SGMS2: variants seen among roughly 807,000 people sequenced by gnomAD.
SGMS2 encodes sphingomyelin synthase 2.
Under a neutral mutation model 43.8 loss-of-function variants are expected in SGMS2, and 21 were observed. The ratio of observed to expected loss-of-function variants is 0.48; its 90% CI spans 0.34 to 0.69. SGMS2 has a LOEUF of 0.69. Among genes scored for constraint, SGMS2 ranks in the 30% least tolerant of loss-of-function variants. The pLI is 0.01. For synonymous variants in SGMS2, 167 were observed against 160.6 expected (o/e 1.04, Z -0.30); for missense variants, 384 against 443.2 (o/e 0.87, Z 1.20).
At chr4:107,868,979 T>C (rs1728350339) in intron 2 of SGMS2, among the ~76,000 whole-genome samples, 2 of 152,150 alleles carry the variant, frequency 1.3e-5, no homozygotes, top group African/African-American at 2.4e-5. Context: ...ACACCATTTT[T>C]AAGAGATTTG....
rs112750446 is a variant in SGMS2, at chr4:107,903,348, C to T, written c.689C>T (p.Thr230Met). The T allele has an allele frequency of 8.1e-6, 13 of 1,613,756 alleles. No homozygotes were observed. The highest frequency in any genetic ancestry group is 1.7e-5 in the Admixed American group (1 of 59,990). Residue 230 changes from threonine to methionine, a missense_variant, in exon 5 of 7, where the codon ACG (threonine) becomes ATG (methionine). Transcript: ENST00000690982. ...GGAGACTTCCTCTTCAGCGGTCACA[C>T]GGTTACGCTGACACTGACTTATTTG... ...LCGDFLFSGH[T>M]VTLTLTYLFI...
At chr4:107,850,203 T>G in intron 1 of SGMS2, among the ~76,000 whole-genome samples, 1 of 152,196 alleles carries the variant, frequency 6.6e-6, no homozygotes, top group Non-Finnish European at 1.5e-5. Context: ...ATAAGTTTCC[T>G]GAGGCTTCCT....
chr4:107,887,154 C>T (rs1729826009), intron 2 of SGMS2, among the ~76,000 whole-genome samples: 2 of 152,192 alleles, frequency 1.3e-5, no homozygotes, highest in African/African-American at 4.8e-5. Context: ...TTTCAGCTCT[C>T]CATGAGTCCT....
At chr4:107,901,136 C>T (rs952824640) in intron 4 of SGMS2, among the ~76,000 whole-genome samples, 8 of 152,150 alleles carry the variant, frequency 5.3e-5, no homozygotes, top group African/African-American at 1.9e-4. Context: ...ACATCAGTGC[C>T]GTTGGATAGC....
At chr4:107,846,944 A>C (rs1027795896) in intron 1 of SGMS2, among the ~76,000 whole-genome samples, 17 of 152,148 alleles carry the variant, frequency 1.1e-4, no homozygotes, top group African/African-American at 3.6e-4. Context: ...TCCTTTGCCC[A>C]CTTTTTGATG....
intron 1 of SGMS2, among the ~76,000 whole-genome samples, chr4:107,854,537 T>A (rs930788401): frequency 6.6e-6 from 1 of 152,172 alleles, no homozygotes; most frequent in African/African-American, 2.4e-5. Flanking sequence ...TAGGGGGAGT[T>A]GCTTTTCAAT....
rs770476788 is a variant in SGMS2 at position 107,908,546 on chromosome 4, T to C, written c.728-19T>C. On this transcript the variant is annotated intron_variant, in intron 5 of 6. Transcript: ENST00000690982. ...ATCTCTGGGAATCTTATTAACTCTG[T>C]AATTTTTCTACTGTCCAGATTCGCC... 1.2e-6 allele frequency: 2 copies of C among 1,607,264 alleles called. No individual in the cohort carries two copies. Among genetic ancestry groups the C allele is most frequent in the Non-Finnish European group, 1.7e-6 (2 of 1,176,374 alleles).
At chr4:107,864,385 C>T (rs898999772) in intron 2 of SGMS2, 22 of 152,176 alleles carry the variant, frequency 1.4e-4, no homozygotes, top group African/African-American at 4.6e-4. Flanking sequence ...TGCAGAGTCT[C>T]TCTCTCTGGT....
chr4:107,854,092 G>T (rs1055310315), intron 1 of SGMS2, among the ~76,000 whole-genome samples: 1 of 152,174 alleles, frequency 6.6e-6, no homozygotes, highest in African/African-American at 2.4e-5. Flanking sequence ...TTTATCTGAA[G>T]AAAACATTGT....
At chr4:107,857,835 T>C (rs1358423674) in intron 1 of SGMS2, among the ~76,000 whole-genome samples, 1 of 152,154 alleles carries the variant, frequency 6.6e-6, no homozygotes, top group Non-Finnish European at 1.5e-5. Flanking sequence ...ACATAGTCCT[T>C]CTACTGTCCT....
At chr4:107,849,324 G>T (rs1230112457) in intron 1 of SGMS2, among the ~76,000 whole-genome samples, 1 of 152,122 alleles carries the variant, frequency 6.6e-6, no homozygotes, top group Admixed American at 6.6e-5. Flanking sequence ...GTCCAGTACA[G>T]TAGCCACAAG....
intron 1 of SGMS2, among the ~76,000 whole-genome samples, chr4:107,832,520 G>T (rs1725947358): frequency 6.6e-6 from 1 of 152,188 alleles, no homozygotes; most frequent in African/African-American, 2.4e-5. Flanking sequence ...AGTTGAATTA[G>T]ATTTTGAAAG....
intron 2 of SGMS2, among the ~76,000 whole-genome samples, chr4:107,863,077 G>A (rs1353075463): frequency 6.6e-6 from 1 of 152,186 alleles, no homozygotes; most frequent in East Asian, 1.9e-4. Flanking sequence ...CTGTGAGGAG[G>A]AAGAGTTGGG....
At chr4:107,869,217 G>A (rs1049437330) in intron 2 of SGMS2, among the ~76,000 whole-genome samples, 3 of 152,158 alleles carry the variant, frequency 2.0e-5, no homozygotes, top group African/African-American at 7.2e-5. Context: ...TTCATTTCTA[G>A]GTCCAGTAGC....
At chr4:107,899,539 AAACTTG>A (rs1730946077) in intron 3 of SGMS2, 30 bp from the exon 4 acceptor site, 3 of 1,484,282 alleles carry the variant, frequency 2.0e-6, no homozygotes, top group Non-Finnish European at 2.8e-6. Context: ...ACCAACCAGT[AAACTTG>A]TTTTTCCCCA....
intron 1 of SGMS2, among the ~76,000 whole-genome samples, chr4:107,850,421 T>C (rs1182468692): frequency 6.6e-6 from 1 of 152,220 alleles, no homozygotes; most frequent in Non-Finnish European, 1.5e-5. Context: ...TCTCTAAGCC[T>C]TTTTGGAAAG....
chr4:107,909,066 A>G (rs1033819857), intron 6 of SGMS2, among the ~76,000 whole-genome samples: 1 of 151,966 alleles, frequency 6.6e-6, no homozygotes, highest in African/African-American at 2.4e-5. Flanking sequence ...CCTGCCTTCA[A>G]CTTAAATTAA....
At chr4:107,848,418 A>G (rs1322329847) in intron 1 of SGMS2, among the ~76,000 whole-genome samples, 2 of 152,294 alleles carry the variant, frequency 1.3e-5, no homozygotes, top group East Asian at 3.9e-4. Flanking sequence ...TTTTCAATTC[A>G]TTTGAGTAAA....
At chr4:107,834,602 T>A (rs1169020716) in intron 1 of SGMS2, among the ~76,000 whole-genome samples, 1 of 152,206 alleles carries the variant, frequency 6.6e-6, no homozygotes, top group Non-Finnish European at 1.5e-5. Context: ...TGCCTAGCAA[T>A]GTTATTATGA....
Sources: allele counts gnomAD v4.1 joint callset (sites outside exome capture counted in the v4.1 genomes callset), GRCh38; gene constraint gnomAD v4.1.1; transcripts MANE v1.5; gene names NCBI Gene and HGNC (gene_info 2026-07-23, HGNC 2026-07-21).